The following KIZ variants were observed in gnomAD, a reference collection of about 807,000 sequenced individuals.
The protein encoded by KIZ is centrosomal protein kizuna.
Under a neutral mutation model 79.6 loss-of-function variants are expected in KIZ, and 68 were observed. The ratio of observed to expected loss-of-function variants is 0.85; its 90% CI spans 0.70 to 1.05. The LOEUF (loss-of-function observed/expected upper bound fraction) is 1.05, where lower values mean the gene tolerates loss of function less well. Among genes scored for constraint, KIZ ranks in the 50% least tolerant of loss-of-function variants. KIZ has a pLI of 0.00. For synonymous variants in KIZ, 280 were observed against 281.8 expected (o/e 0.99, Z 0.06); for missense variants, 797 against 800.4 (o/e 1.00, Z 0.05).
At chr20:21,192,858 C>T (rs1386368486) in intron 6 of KIZ, among the ~76,000 whole-genome samples, 2 of 152,140 alleles carry the variant, frequency 1.3e-5, no homozygotes, top group African/African-American at 2.4e-5. Flanking sequence ...GTCTGTGTGG[C>T]CTGCAGAGTA....
intron 2 of KIZ, among the ~76,000 whole-genome samples, chr20:21,134,361 G>A (rs2032041329): frequency 6.6e-6 from 1 of 152,012 alleles, no homozygotes; most frequent in Non-Finnish European, 1.5e-5. Flanking sequence ...TTCCATCTGA[G>A]CCTCACCAGC....
At chr20:21,177,508 A>G (rs2034484065) in intron 6 of KIZ, among the ~76,000 whole-genome samples, 1 of 151,866 alleles carries the variant, frequency 6.6e-6, no homozygotes, top group South Asian at 2.1e-4. Context: ...TTTTGCAAAT[A>G]TTTTCTCTCA....
intron 1 of KIZ, among the ~76,000 whole-genome samples, chr20:21,128,790 T>C (rs550771031): frequency 6.6e-6 from 1 of 152,318 alleles, no homozygotes; most frequent in East Asian, 1.9e-4. Flanking sequence ...AGCCGCGGTT[T>C]TTTCAGTGCC....
intron 6 of KIZ, among the ~76,000 whole-genome samples, chr20:21,179,062 A>T (rs538258552): frequency 6.6e-6 from 1 of 152,066 alleles, no homozygotes; most frequent in Non-Finnish European, 1.5e-5. Flanking sequence ...TGGGTTTGGC[A>T]TCAGGGTAAT....
At chr20:21,240,357 T>C (rs2037172631) in intron 11 of KIZ, among the ~76,000 whole-genome samples, 1 of 152,168 alleles carries the variant, frequency 6.6e-6, no homozygotes, top group Non-Finnish European at 1.5e-5. Context: ...ACTCCTGACC[T>C]CAGGTGATCA....
At chr20:21,209,018 A>G (rs192474554) in intron 7 of KIZ, among the ~76,000 whole-genome samples, 143 of 152,334 alleles carry the variant, frequency 9.4e-4, no homozygotes, top group East Asian at 2.9e-3. Flanking sequence ...AAAAAGCTCT[A>G]CTAGAAACTA....
chr20:21,134,013 G>A (rs1271668089), intron 2 of KIZ, among the ~76,000 whole-genome samples: 2 of 152,170 alleles, frequency 1.3e-5, no homozygotes, highest in Non-Finnish European at 2.9e-5. Context: ...AACTCAGAAC[G>A]GCAGCCCTGA....
At chr20:21,195,346 A>G (rs1228395046) in intron 6 of KIZ, 1 of 152,238 alleles carries the variant, frequency 6.6e-6, no homozygotes, top group Non-Finnish European at 1.5e-5. Flanking sequence ...CATTCTATGG[A>G]AGAATTTAAA....
Position 21,126,145 on chromosome 20 carries a change from C to G in KIZ, c.30C>G (p.Pro10=), listed in dbSNP as rs975304621. Reference sequence around the variant, plus strand: ...GCCGGACCCTCGCATCGGCCGTGCCCCTGTCGAGTCCCGACTACTACGAGA... The same window carrying G: ...GCCGGACCCTCGCATCGGCCGTGCCGCTGTCGAGTCCCGACTACTACGAGA... MSRTLASAV[P]LSSPDYYERL... is the part of the protein sequence containing the mutation. The change falls in exon 1 of 13, where the codon CCC becomes CCG. Residue 10 remains proline, a synonymous_variant. Coordinates refer to ENST00000619189, the MANE Select transcript of KIZ (RefSeq NM_018474.6). 1.4e-5 allele frequency: 21 copies of G among 1,513,438 alleles called. No homozygotes were observed. Among genetic ancestry groups the G allele is most frequent in the Non-Finnish European group, 1.9e-5 (21 of 1,129,968 alleles). The allele number at this position is 1,513,438 out of a possible 1,614,324, so 93.8% of individuals were successfully genotyped here.
At chr20:21,179,877 G>T (rs998931203) in intron 6 of KIZ, among the ~76,000 whole-genome samples, 2 of 152,064 alleles carry the variant, frequency 1.3e-5, no homozygotes, top group Admixed American at 6.6e-5. Context: ...TTACAATTTT[G>T]CTTCTGCTAT....
intron 6 of KIZ, among the ~76,000 whole-genome samples, chr20:21,168,041 A>G (rs376296170): frequency 6.6e-6 from 1 of 152,082 alleles, no homozygotes; most frequent in Non-Finnish European, 1.5e-5. Flanking sequence ...ATTTAACATT[A>G]GGTATATCTC....
chr20:21,224,400 C>A (rs552818945), intron 9 of KIZ, among the ~76,000 whole-genome samples: 1 of 152,278 alleles, frequency 6.6e-6, no homozygotes, highest in Non-Finnish European at 1.5e-5. Context: ...GCAAAAATGA[C>A]CAAGTTTGCA....
intron 9 of KIZ, among the ~76,000 whole-genome samples, chr20:21,219,350 C>T (rs1353474685): frequency 1.3e-5 from 2 of 151,886 alleles, no homozygotes; most frequent in East Asian, 3.9e-4. Context: ...CAGGGTCTTG[C>T]TCTGTCACCC....
intron 3 of KIZ, among the ~76,000 whole-genome samples, chr20:21,144,360 C>T (rs2032735301): frequency 6.6e-6 from 1 of 152,100 alleles, no homozygotes; most frequent in Admixed American, 6.5e-5. Flanking sequence ...GATACTATCC[C>T]TTGGAATCTG....
chr20:21,129,690 C>T (rs1406558621), intron 1 of KIZ, among the ~76,000 whole-genome samples: 1 of 151,662 alleles, frequency 6.6e-6, no homozygotes, highest in African/African-American at 2.4e-5. Context: ...TGAGATTGTG[C>T]CATTGTACTC....
chr20:21,210,913 G>A (rs1028887463), intron 7 of KIZ, among the ~76,000 whole-genome samples: 9 of 151,934 alleles, frequency 5.9e-5, no homozygotes, highest in Non-Finnish European at 1.2e-4. Context: ...GCCAGCTCAT[G>A]TTCTTTGCTC....
At chr20:21,216,660 T>G (rs1318849429) in intron 9 of KIZ, among the ~76,000 whole-genome samples, 1 of 152,212 alleles carries the variant, frequency 6.6e-6, no homozygotes, top group East Asian at 1.9e-4. Context: ...CTGGTATGGC[T>G]CCCTGCTATT....
chr20:21,204,710 C>A (rs1285248861), intron 6 of KIZ, among the ~76,000 whole-genome samples: 1 of 152,148 alleles, frequency 6.6e-6, no homozygotes, highest in Non-Finnish European at 1.5e-5. Flanking sequence ...CTGAATAGGG[C>A]ATTTCTTTAA....
rs75142133 is a variant in KIZ at position 21,148,230 on chromosome 20, A to G, written c.405+2576A>G. Among the ~76,000 whole-genome samples the G allele has an allele frequency of 6.9e-3, 1,047 of 152,266 alleles. 12 individuals carry two copies. Among genetic ancestry groups the G allele is most frequent in the African/African-American group, 0.024 (1,007 of 41,542 alleles). The stretch of plus-strand genomic sequence containing the variant: ...GAGAGGATCTATCAAATTGGTGATC[A>G]TTCTGAATTATAAAAAGGTATTTTT... On this transcript the variant is annotated intron_variant, in intron 4 of 12. Transcript: ENST00000619189.
Sources: allele counts gnomAD v4.1 joint callset (sites outside exome capture counted in the v4.1 genomes callset), GRCh38; gene constraint gnomAD v4.1.1; transcripts MANE v1.5; gene names NCBI Gene and HGNC (gene_info 2026-07-23, HGNC 2026-07-21).